The following SGPP2 variants were observed in gnomAD, a reference collection of about 807,000 sequenced individuals.
SGPP2 encodes sphingosine-1-phosphate phosphatase 2, also known as sphingosine 1-phosphate phosphohydrolase 2.
SGPP2 carries 30 observed loss-of-function variants against 33.9 expected under a neutral mutation model. The observed-to-expected ratio is 0.89, with a 90% CI of 0.66 to 1.20. SGPP2 has a LOEUF of 1.20. Among genes scored for constraint, SGPP2 ranks in the 50% most tolerant of loss-of-function variants. The pLI is 0.00. For synonymous variants in SGPP2, 233 were observed against 225.0 expected, an observed-to-expected ratio of 1.04 and a Z score of -0.32; for missense variants, 458 against 532.1, an observed-to-expected ratio of 0.86 and a Z score of 1.37.
intron 1 of SGPP2, among the ~76,000 whole-genome samples, chr2:222,463,086 A>G (rs1490103425): frequency 1.3e-5 from 2 of 152,218 alleles, no homozygotes; most frequent in Non-Finnish European, 2.9e-5. Context: ...ACTTCTCAAG[A>G]ATTTCTGCTC....
rs577409214 is a variant in SGPP2, at chr2:222,465,751, C to T, written c.220-8817C>T. 3.9e-5 allele frequency among the ~76,000 whole-genome samples: 6 copies of T among 152,294 alleles called. No individual in the cohort carries two copies. Among genetic ancestry groups the T allele is most frequent in the South Asian group, 2.1e-4 (1 of 4,826 alleles). On this transcript the variant is annotated intron_variant, in intron 1 of 4. Coordinates refer to ENST00000321276, the MANE Select transcript of SGPP2 (RefSeq NM_152386.4). The surrounding 1 kb of genome is among the most constrained non-coding windows in gnomAD (Gnocchi z 4.1). ...AGTCTCAAGTCTGGGCTTGGTTTCA[C>T]GTCTGCTCTTGAGGTCATCTCCTCT... is the stretch of plus-strand genomic sequence containing the variant.
At chr2:222,486,829 A>G (rs1166909125) in intron 2 of SGPP2, among the ~76,000 whole-genome samples, 1 of 152,178 alleles carries the variant, frequency 6.6e-6, no homozygotes, top group Non-Finnish European at 1.5e-5. Context: ...TAATTATGGT[A>G]TATATTAAGG....
chr2:222,517,351 G>A (rs1008023550), intron 2 of SGPP2, among the ~76,000 whole-genome samples: 1 of 152,156 alleles, frequency 6.6e-6, no homozygotes, highest in African/African-American at 2.4e-5. Flanking sequence ...GCAGAGAAGG[G>A]GAGGAGAGGA....
chr2:222,497,626 C>T (rs1209024945), intron 2 of SGPP2, among the ~76,000 whole-genome samples: 1 of 152,188 alleles, frequency 6.6e-6, no homozygotes, highest in Admixed American at 6.5e-5. Context: ...TTAACAAACA[C>T]TTGGCAAGGG....
At chr2:222,469,879 G>C (rs1351556799) in intron 1 of SGPP2, among the ~76,000 whole-genome samples, 1 of 152,142 alleles carries the variant, frequency 6.6e-6, no homozygotes, top group Non-Finnish European at 1.5e-5. Context: ...GCCCATCAAT[G>C]ATAGACTGGA....
In SGPP2 at chr2:222,541,594, T is replaced by TTTTA. The variant is rs72410664; in HGVS notation, c.648+16593_648+16596dup. 8.8e-3 allele frequency among the ~76,000 whole-genome samples: 1,332 copies of TTTTA among 150,680 alleles called. 25 individuals carry two copies. The highest frequency in any genetic ancestry group is 0.041 in the East Asian group (208 of 5,134). ...TTTTTGGTTCAAAATAAGAAAACTATTTTATTTATTTATTTATTTATTTAT... is the reference window on the plus strand; with the variant it reads ...TTTTTGGTTCAAAATAAGAAAACTATTTTATTTATTTATTTATTTATTTATTTAT... On this transcript the variant is annotated intron_variant, in intron 4 of 4. Coordinates refer to ENST00000321276, the MANE Select transcript of SGPP2 (RefSeq NM_152386.4).
intron 1 of SGPP2, among the ~76,000 whole-genome samples, chr2:222,443,019 G>C (rs1373025852): frequency 6.6e-6 from 1 of 152,124 alleles, no homozygotes; most frequent in East Asian, 1.9e-4. Context: ...TTTGCTTGTA[G>C]TGACCTTTAT....
At chr2:222,534,233 G>A (rs530217893) in intron 4 of SGPP2, among the ~76,000 whole-genome samples, 1 of 152,094 alleles carries the variant, frequency 6.6e-6, no homozygotes, top group East Asian at 1.9e-4. Flanking sequence ...TACACAAAAC[G>A]GATTTTAAGC....
upstream of SGPP2, chr2:222,424,475 C>T (rs1271624909): frequency 2.1e-6 from 1 of 479,652 alleles, no homozygotes; most frequent in Non-Finnish European, 2.9e-6. Flanking sequence ...TTGGCTGGGC[C>T]CGGGGCCCCG....
At chr2:222,557,688 T>G (rs6751616) in intron 4 of SGPP2, among the ~76,000 whole-genome samples, 141,476 of 152,306 alleles carry the variant, frequency 0.93, 65,811 homozygotes, top group East Asian at 1. Flanking sequence ...GGCGATGGAA[T>G]AAAGCAAGCC....
At position 222,525,066 on chromosome 2, in the gene SGPP2, GTTTGA is replaced by G. The variant is rs758927097; in HGVS notation, c.648+34_648+38del. 2.4e-5 allele frequency: 36 copies of G among 1,515,968 alleles called. No individual in the cohort carries two copies. The South Asian group carries it at 4.1e-4, about 17-fold the overall frequency. The allele number at this position is 1,515,968 out of a possible 1,614,324, so 93.9% of individuals were successfully genotyped here. A position where few individuals can be genotyped will look rare whatever the true frequency, so the allele number is the denominator to read the frequency against. ...TTTGTGGTCAGGTCTTGTGGTGATT[GTTTGA>G]ATGATATTGTGGTCAGTGTGTCAAT... On this transcript the variant is annotated intron_variant, in intron 4 of 4. Transcript: ENST00000321276.
chr2:222,452,894 T>C lies in SGPP2; in HGVS notation c.220-21674T>C. 5.6e-6 allele frequency: 9 copies of C among 1,603,062 alleles called. No individual in the cohort carries two copies. The Admixed American group carries it at 1.3e-4, about 24-fold the overall frequency. On this transcript the variant is annotated intron_variant, in intron 1 of 4. Coordinates refer to ENST00000321276, the MANE Select transcript of SGPP2 (RefSeq NM_152386.4). ...GGTTCTGGAACCAGGTCTTCACCTG[T>C]TTGTAGCTAAGGTTCAGGATATTGG...
At chr2:222,491,899 T>C (rs1212474996) in intron 2 of SGPP2, among the ~76,000 whole-genome samples, 1 of 152,178 alleles carries the variant, frequency 6.6e-6, no homozygotes, top group Non-Finnish European at 1.5e-5. Context: ...GGTACAGGCA[T>C]TGGGTAAATA....
At position 222,558,224 on chromosome 2, in the gene SGPP2, GT is replaced by G; in HGVS notation, c.649-122del. 5.3e-6 allele frequency: 6 copies of G among 1,122,188 alleles called. No individual in the cohort carries two copies. The South Asian group carries it at 8.1e-5, about 15-fold the overall frequency. 69.5% of individuals were successfully genotyped at this position (1,122,188 alleles called of 1,614,324 possible). On this transcript the variant is annotated intron_variant, in intron 4 of 4. Coordinates refer to ENST00000321276, the MANE Select transcript of SGPP2 (RefSeq NM_152386.4). The stretch of plus-strand genomic sequence containing the variant: ...TTTACACTTTCTTTGAACATGTACT[GT>G]AAAATAAAACAATGCAAAAATTGTG...
At chr2:222,541,621 T>A (rs1371294172) in intron 4 of SGPP2, among the ~76,000 whole-genome samples, 1 of 151,824 alleles carries the variant, frequency 6.6e-6, no homozygotes, top group Non-Finnish European at 1.5e-5. Flanking sequence ...TTTATTTATT[T>A]ATTTATTTTT....
At chr2:222,425,738 A>G (rs965580546) in intron 1 of SGPP2, among the ~76,000 whole-genome samples, 6 of 152,228 alleles carry the variant, frequency 3.9e-5, no homozygotes, top group African/African-American at 9.6e-5. Context: ...TTCCTTGTAC[A>G]CAGCCACATT....
At chr2:222,508,270 AT>A (rs1398599374) in intron 2 of SGPP2, among the ~76,000 whole-genome samples, 5 of 152,354 alleles carry the variant, frequency 3.3e-5, no homozygotes, top group African/African-American at 1.2e-4. Flanking sequence ...TATTATACAT[AT>A]GCCCTCAATT....
intron 2 of SGPP2, among the ~76,000 whole-genome samples, chr2:222,480,122 G>T (rs748093304): frequency 6.6e-6 from 1 of 152,056 alleles, no homozygotes; most frequent in Non-Finnish European, 1.5e-5. Context: ...TTTCATTTTG[G>T]CATGGTGACA....
At chr2:222,452,922 A>G (rs1278649755) in intron 1 of SGPP2, 1 of 1,584,038 alleles carries the variant, frequency 6.3e-7, no homozygotes, top group East Asian at 2.2e-5. Flanking sequence ...GATATTGGAA[A>G]GTTCTTGCAT....
Sources: gnomAD v4.1 joint callset for allele counts (sites outside exome capture counted in the v4.1 genomes callset) on GRCh38, gnomAD v4.1.1 for gene constraint, Gnocchi (gnomAD v3.1) non-coding constraint, MANE v1.5 for transcripts, NCBI Gene and HGNC (gene_info 2026-07-23, HGNC 2026-07-21) for gene names.